Variants in DDX60 observed in about 807,000 individuals in gnomAD.
The protein encoded by DDX60 is probable ATP-dependent RNA helicase DDX60.
DDX60 carries 165 observed loss-of-function variants against 212.8 expected under a neutral mutation model. That is an observed-to-expected ratio of 0.78 (90% CI 0.68 to 0.88). The LOEUF (loss-of-function observed/expected upper bound fraction) is 0.88, where lower values mean the gene tolerates loss of function less well. Among genes scored for constraint, DDX60 ranks in the 40% least tolerant of loss-of-function variants. The pLI, the probability that DDX60 is intolerant of heterozygous loss-of-function variation, is 0.00. For missense variants in DDX60, 1,905 were observed against 2,003.9 expected (o/e 0.95, Z 0.94); for synonymous variants, 703 against 685.3 (o/e 1.03, Z -0.40).
Position 168,252,633 on chromosome 4 carries a change from G to GT in DDX60, c.3580dup (p.Thr1194AsnfsTer11). ...TATTAGGCTTTGATCCACATTTCTGGTTTTTTTCTGGCTCTTTTCATCTCT... is the reference window on the plus strand; with the variant it reads ...TATTAGGCTTTGATCCACATTTCTGGTTTTTTTTCTGGCTCTTTTCATCTCT... On this transcript the variant is annotated frameshift_variant, in exon 27 of 38. Coordinates refer to ENST00000393743, the MANE Select transcript of DDX60 (RefSeq NM_017631.6). LOFTEE classifies it high-confidence loss of function. 6.2e-7 allele frequency: 1 copy of GT among 1,609,844 alleles called. No individual in the cohort carries two copies. The highest frequency in any genetic ancestry group is 8.5e-7 in the Non-Finnish European group (1 of 1,178,374).
In DDX60 at chr4:168,295,451, G is replaced by A. The variant is rs150143024; in HGVS notation, c.724-1506C>T. 1.7e-3 allele frequency among the ~76,000 whole-genome samples: 260 copies of A among 152,266 alleles called. 1 individual carries two copies. The highest frequency in any genetic ancestry group is 3.4e-3 in the Middle Eastern group (1 of 294). On this transcript the variant is annotated intron_variant, in intron 6 of 37. Transcript: ENST00000393743. ...TCATACACTGCTGAGCGTTCAAACT[G>A]TGTTCAAATAAGGCAAATGCAGAGT...
intron 17 of DDX60, 92 bp downstream of exon 17, chr4:168,273,842 A>C (rs1735208170): frequency 2.9e-5 from 42 of 1,445,410 alleles, no homozygotes; most frequent in Non-Finnish European, 3.7e-5. Context: ...TTAAAAAATA[A>C]AGTGAACTAG....
rs181195987 is a variant in DDX60 at position 168,232,738 on chromosome 4, A to G, written c.4533+3514T>C. Among the ~76,000 whole-genome samples, 5 of 152,262 alleles carry G rather than the reference A, an allele frequency of 3.3e-5. No individual in the cohort carries two copies. In the East Asian group the frequency reaches 9.7e-4, roughly 29 times the overall value. On this transcript the variant is annotated intron_variant, in intron 33 of 37. Coordinates refer to ENST00000393743, the MANE Select transcript of DDX60 (RefSeq NM_017631.6). ...GATGGATCAAAGACTTAATTCTAAGACCTGAAAGCATAAAAATTCTGGAAG... is the reference window on the plus strand; with the variant it reads ...GATGGATCAAAGACTTAATTCTAAGGCCTGAAAGCATAAAAATTCTGGAAG...
At chr4:168,322,624 CTCT>C (rs2149563704), upstream of DDX60, among the ~76,000 whole-genome samples, 1 of 152,338 alleles carries the variant, frequency 6.6e-6, no homozygotes, top group Admixed American at 6.5e-5. Context: ...AATATTTCCT[CTCT>C]TCTTAGAACA....
At chr4:168,258,858 T>C (rs1019768107) in intron 25 of DDX60, among the ~76,000 whole-genome samples, 1 of 152,118 alleles carries the variant, frequency 6.6e-6, no homozygotes, top group South Asian at 2.1e-4. Context: ...AAAAATATGT[T>C]TTCATACCCG....
intron 16 of DDX60, among the ~76,000 whole-genome samples, chr4:168,274,761 ATAAG>A (rs1735258116): frequency 1.5e-5 from 2 of 133,898 alleles, no homozygotes; most frequent in South Asian, 5.0e-4. Context: ...CCCCACCATC[ATAAG>A]AAAGATTCTG....
At chr4:168,310,665 T>C (rs1737089522) in intron 3 of DDX60, among the ~76,000 whole-genome samples, 1 of 152,086 alleles carries the variant, frequency 6.6e-6, no homozygotes, top group Non-Finnish European at 1.5e-5. Flanking sequence ...TGCAGTTAAG[T>C]TTTGGAGGAG....
In DDX60 at chr4:168,261,003, T is replaced by C; in HGVS notation, c.3274-14A>G. ...TACCATTCTGGCCTGTAGTGGTGAA[T>C]ACAAAACAATTTTAAGTTCTGCATG... On this transcript the variant is annotated splice_polypyrimidine_tract_variant and intron_variant, in intron 24 of 37. Transcript: ENST00000393743. 2 of 1,585,138 alleles carry C rather than the reference T, an allele frequency of 1.3e-6. No individual in the cohort carries two copies.
chr4:168,313,412 G>A (rs1478810629), intron 1 of DDX60, among the ~76,000 whole-genome samples: 1 of 152,128 alleles, frequency 6.6e-6, no homozygotes, highest in Non-Finnish European at 1.5e-5. Context: ...TGGAAAGGTA[G>A]GTTAGAACCA....
chr4:168,305,227 G>A (rs1736823644), intron 5 of DDX60, among the ~76,000 whole-genome samples: 1 of 152,158 alleles, frequency 6.6e-6, no homozygotes, highest in Admixed American at 6.5e-5. Flanking sequence ...CACTAACGAT[G>A]TTTACACAAC....
chr4:168,300,408 C>T (rs1434250635), intron 6 of DDX60, among the ~76,000 whole-genome samples: 9 of 151,844 alleles, frequency 5.9e-5, no homozygotes, highest in East Asian at 1.9e-4. Context: ...GGCATGGTGG[C>T]GGGCACCTGT....
chr4:168,300,461 A>T (rs1484492851), intron 6 of DDX60, among the ~76,000 whole-genome samples: 1 of 151,762 alleles, frequency 6.6e-6, no homozygotes, highest in Non-Finnish European at 1.5e-5. Flanking sequence ...AAGTGCTTGA[A>T]CCTGGGAGGT....
Position 168,256,401 on chromosome 4 carries a change from T to A in DDX60, c.3399-532A>T, listed in dbSNP as rs373997744. 5.1e-4 allele frequency among the ~76,000 whole-genome samples: 77 copies of A among 152,272 alleles called. No homozygotes were observed. In the East Asian group the frequency reaches 0.012, roughly 24 times the overall value. On this transcript the variant is annotated intron_variant, in intron 25 of 37. Transcript: ENST00000393743. ...TGCTGGACTTTGCAATGCAGAAATG[T>A]CTCCAAGGTCTGGGCTTTATACTTC... is the stretch of plus-strand genomic sequence containing the variant.
rs1174031128 is a variant in DDX60 at position 168,315,639 on chromosome 4, A to G, written c.-107+2983T>C. ...CCCCTCCCTGTGTCCATGTGCTCTC[A>G]TTGTTCCACTCCCACTTATGAGTGA... On this transcript the variant is annotated intron_variant, in intron 1 of 37. Coordinates refer to ENST00000393743, the MANE Select transcript of DDX60 (RefSeq NM_017631.6). Among the ~76,000 whole-genome samples, 8 of 152,166 alleles carry G rather than the reference A, an allele frequency of 5.3e-5. No individual in the cohort carries two copies. The East Asian group carries it at 1.5e-3, about 29-fold the overall frequency.
chr4:168,226,486 A>T (rs534969684), intron 33 of DDX60, among the ~76,000 whole-genome samples: 13 of 152,102 alleles, frequency 8.5e-5, no homozygotes. Context: ...AGCAGCCCCC[A>T]CCAGACACCT....
chr4:168,325,946 A>C, the DDX60 span, among the ~76,000 whole-genome samples: 2 of 152,338 alleles, frequency 1.3e-5, no homozygotes, highest in East Asian at 3.9e-4. Context: ...GCAGCTTCTG[A>C]AATTGTCCCA....
intron 24 of DDX60, 142 bp from the exon 25 acceptor site, chr4:168,261,131 C>G: frequency 3.3e-6 from 3 of 918,084 alleles, no homozygotes; most frequent in Non-Finnish European, 3.2e-6. Flanking sequence ...CATTATAAAA[C>G]GAGGCAAAGA....
At chr4:168,291,619 A>T in intron 8 of DDX60, 129 bp downstream of exon 8, 1 of 639,048 alleles carries the variant, frequency 1.6e-6, no homozygotes, top group Non-Finnish European at 2.4e-6. Flanking sequence ...TGACTGATGT[A>T]GCCCATTAAA....
In DDX60 at chr4:168,243,088, T is replaced by C. The variant is rs112850082; in HGVS notation, c.4164+3330A>G. On this transcript the variant is annotated intron_variant, in intron 30 of 37. Transcript: ENST00000393743. Reference sequence around the variant, plus strand: ...TCCATTGTAAAACATGACTTGCTCCTCCTTGCCTTCTGCCATGATTGTGAG... The same window carrying C: ...TCCATTGTAAAACATGACTTGCTCCCCCTTGCCTTCTGCCATGATTGTGAG... 6.8e-3 allele frequency among the ~76,000 whole-genome samples: 1,029 copies of C among 152,314 alleles called. 11 individuals carry two copies. The highest frequency in any genetic ancestry group is 0.023 in the African/African-American group (974 of 41,554).
Sources: allele counts gnomAD v4.1 joint callset (sites outside exome capture counted in the v4.1 genomes callset), GRCh38; gene constraint gnomAD v4.1.1; transcripts MANE v1.5; gene names NCBI Gene and HGNC (gene_info 2026-07-23, HGNC 2026-07-21).